Variants in UNC80 observed in about 807,000 individuals in gnomAD.
UNC80 encodes unc-80 subunit of NALCN channel complex.
Under a neutral mutation model 384.6 loss-of-function variants are expected in UNC80, and 164 were observed. The ratio of observed to expected loss-of-function variants is 0.43; its 90% confidence interval spans 0.38 to 0.49. The LOEUF is 0.49. Ranked by LOEUF, UNC80 falls within the 20% of genes least tolerant of loss-of-function variation. The pLI is 0.00. For synonymous variants in UNC80, 1,486 were observed against 1,527.8 expected, an observed-to-expected ratio of 0.97 and a Z score of 0.64; for missense variants, 3,330 against 4,143.0, an observed-to-expected ratio of 0.80 and a Z score of 5.39.
intron 55 of UNC80, among the ~76,000 whole-genome samples, 170 bp downstream of exon 55, chr2:209,972,494 T>C (rs1017546692): frequency 6.6e-6 from 1 of 152,246 alleles, no homozygotes; most frequent in Non-Finnish European, 1.5e-5. Flanking sequence ...TCAGTTTAGC[T>C]ACCTGGGACC....
At chr2:209,963,996 A>G (rs2125005406) in intron 51 of UNC80, among the ~76,000 whole-genome samples, 1 of 152,342 alleles carries the variant, frequency 6.6e-6, no homozygotes, top group East Asian at 1.9e-4. Context: ...AGCCAGTCAC[A>G]TAAAGCAATT....
intron 28 of UNC80, among the ~76,000 whole-genome samples, chr2:209,902,393 AC>A (rs1388397515): frequency 6.6e-6 from 1 of 152,262 alleles, no homozygotes; most frequent in Non-Finnish European, 1.5e-5. Context: ...TATTACATAA[AC>A]TAAGTTGATA....
At chr2:209,875,125 C>G (rs1458437071) in intron 23 of UNC80, among the ~76,000 whole-genome samples, 3 of 152,164 alleles carry the variant, frequency 2.0e-5, no homozygotes, top group Admixed American at 2.0e-4. Flanking sequence ...CTTCCTACAG[C>G]CCAGCCCACC....
chr2:209,986,656 T>G lies in UNC80; in HGVS notation c.9314+1744T>G, dbSNP rs2093296004. ...GTTTCTGTGACCATTGTGTTTTAGT[T>G]CTGGGTGTGAGTCACCCAGACCCAG... On this transcript the variant is annotated intron_variant, in intron 61 of 64. Transcript: ENST00000673920. Among the ~76,000 whole-genome samples the G allele has an allele frequency of 2.0e-5, 3 of 152,180 alleles. No individual in the cohort carries two copies. The South Asian group carries it at 6.2e-4, about 32-fold the overall frequency.
At chr2:209,785,940 A>C (rs2077402625) in intron 4 of UNC80, 126 bp from the exon 5 acceptor site, 2 of 1,052,372 alleles carry the variant, frequency 1.9e-6, no homozygotes, top group Non-Finnish European at 2.7e-6. Flanking sequence ...CTAATGAGAG[A>C]AGGTTTGGCA....
At chr2:209,930,453 A>T (rs1342807114) in intron 37 of UNC80, among the ~76,000 whole-genome samples, 1 of 152,168 alleles carries the variant, frequency 6.6e-6, no homozygotes, top group East Asian at 1.9e-4. Flanking sequence ...AGTCATATTC[A>T]CTGGAAGGTT....
chr2:209,838,853 C>T (rs1167442510), intron 18 of UNC80, among the ~76,000 whole-genome samples: 1 of 152,040 alleles, frequency 6.6e-6, no homozygotes, highest in Non-Finnish European at 1.5e-5. Flanking sequence ...CCCAGCTACT[C>T]CGGAGGCTGA....
chr2:209,933,751 A>G (rs2091054962), intron 38 of UNC80, 71 bp from the exon 39 acceptor site: 4 of 1,378,416 alleles, frequency 2.9e-6, no homozygotes, highest in South Asian at 1.5e-5. Context: ...AAAACAAGAA[A>G]AGCTAAGGAA....
At chr2:209,801,225 A>G (rs962577521) in intron 7 of UNC80, among the ~76,000 whole-genome samples, 2 of 152,046 alleles carry the variant, frequency 1.3e-5, no homozygotes, top group African/African-American at 4.8e-5. Flanking sequence ...TGTTTTATGA[A>G]TCTGGGTGCT....
chr2:209,898,969 GAGT>G (rs1336750536), intron 28 of UNC80, among the ~76,000 whole-genome samples: 1 of 152,100 alleles, frequency 6.6e-6, no homozygotes, highest in Non-Finnish European at 1.5e-5. Flanking sequence ...CTTTATGGCT[GAGT>G]AGTACTCTAT....
intron 38 of UNC80, among the ~76,000 whole-genome samples, chr2:209,933,052 A>C (rs2091001118): frequency 6.6e-6 from 1 of 152,180 alleles, no homozygotes; most frequent in South Asian, 2.1e-4. Context: ...AGAAAAAAAA[A>C]TTTACACTAT....
At position 209,987,657 on chromosome 2, in the gene UNC80, T is replaced by C. The variant is rs202207423; in HGVS notation, c.9314+2745T>C. Reference sequence around the variant, plus strand: ...TTAGAACATTTTGAAAGGCAGAAATTGACAGTCAACTCTAATTTTTTTTTA... The same window carrying C: ...TTAGAACATTTTGAAAGGCAGAAATCGACAGTCAACTCTAATTTTTTTTTA... On this transcript the variant is annotated intron_variant, in intron 61 of 64. Coordinates refer to ENST00000673920, the MANE Select transcript of UNC80 (RefSeq NM_001371986.1). Among the ~76,000 whole-genome samples, 24 of 152,274 alleles carry C rather than the reference T, an allele frequency of 1.6e-4. No individual in the cohort carries two copies. The East Asian group carries it at 4.6e-3, about 29-fold the overall frequency.
At chr2:209,900,403 G>C (rs1487219948) in intron 28 of UNC80, among the ~76,000 whole-genome samples, 1 of 152,052 alleles carries the variant, frequency 6.6e-6, no homozygotes, top group East Asian at 1.9e-4. Flanking sequence ...AGTGATCCTT[G>C]ATGATATTAT....
intron 61 of UNC80, among the ~76,000 whole-genome samples, chr2:209,988,449 T>C (rs1392099206): frequency 1.3e-5 from 2 of 152,218 alleles, no homozygotes; most frequent in African/African-American, 4.8e-5. Flanking sequence ...GAATTTTTAT[T>C]GCATTATTGA....
chr2:209,967,141 AT>A (rs2092762456), intron 51 of UNC80, among the ~76,000 whole-genome samples: 1 of 152,184 alleles, frequency 6.6e-6, no homozygotes. Flanking sequence ...CAGAAATGAC[AT>A]TCTCTAAATA....
intron 7 of UNC80, 74 bp downstream of exon 7, chr2:209,793,933 C>T (rs2077995193): frequency 7.1e-6 from 11 of 1,553,232 alleles, no homozygotes; most frequent in East Asian, 2.3e-5. Flanking sequence ...TTAACTACTT[C>T]GATAGCCTCT....
At chr2:209,863,958 A>G (rs1201131549) in intron 22 of UNC80, among the ~76,000 whole-genome samples, 6 of 151,784 alleles carry the variant, frequency 4.0e-5, no homozygotes, top group Admixed American at 6.6e-5. Flanking sequence ...ATTCTTTCTC[A>G]TCTTCGTGAG....
At chr2:209,891,643 AAT>A (rs1404698698) in intron 26 of UNC80, among the ~76,000 whole-genome samples, 3 of 152,162 alleles carry the variant, frequency 2.0e-5, no homozygotes, top group African/African-American at 7.2e-5. Context: ...TCAAATGCTG[AAT>A]ATTTTTTCTA....
At chr2:209,858,224 A>T (rs893856891) in intron 22 of UNC80, among the ~76,000 whole-genome samples, 15 of 152,194 alleles carry the variant, frequency 9.9e-5, no homozygotes, top group African/African-American at 3.4e-4. Context: ...AATGATTTGA[A>T]CCATTTATTA....
Sources: allele counts gnomAD v4.1 joint callset (sites outside exome capture counted in the v4.1 genomes callset), GRCh38; gene constraint gnomAD v4.1.1; transcripts MANE v1.5; gene names NCBI Gene and HGNC (gene_info 2026-07-23, HGNC 2026-07-21).